The following TFPI variants were observed in gnomAD, a reference collection of about 807,000 sequenced individuals.
The protein encoded by TFPI is tissue factor pathway inhibitor.
A neutral mutation model predicts 34.6 loss-of-function variants in TFPI; 15 were observed. That is an observed-to-expected ratio of 0.43 (90% confidence interval 0.29 to 0.67). The LOEUF is 0.67. TFPI is among the 30% of genes least tolerant of loss of function. The pLI is 0.15. For missense variants in TFPI, 301 were observed against 364.0 expected, an observed-to-expected ratio of 0.83 and a Z score of 1.41; for synonymous variants, 105 against 120.1, an observed-to-expected ratio of 0.87 and a Z score of 0.82.
Position 187,469,910 on chromosome 2 carries a change from G to A in TFPI, c.629-1978C>T, listed in dbSNP as rs538599442. ...GTACTATTGTACACACTTTTCCAAT[G>A]TGTGGGATGTGTATTATCATCATCC... On this transcript the variant is annotated intron_variant, in intron 6 of 7. Coordinates refer to ENST00000233156, the MANE Select transcript of TFPI (RefSeq NM_006287.6). Among the ~76,000 whole-genome samples the A allele has an allele frequency of 2.5e-4, 38 of 152,244 alleles. No homozygotes were observed. In the South Asian group the frequency reaches 7.5e-3, roughly 30 times the overall value.
chr2:187,523,316 T>A (rs1687506026), intron 1 of TFPI, among the ~76,000 whole-genome samples: 1 of 152,134 alleles, frequency 6.6e-6, no homozygotes, highest in Admixed American at 6.5e-5. Flanking sequence ...TTTAATTAAT[T>A]GTTCAATTAA....
At position 187,466,270 on chromosome 2, in the gene TFPI, T is replaced by C. The variant is rs1159393976; in HGVS notation, c.*666A>G. 3 of 151,884 alleles carry C rather than the reference T, an allele frequency of 2.0e-5. No individual in the cohort carries two copies. The highest frequency in any genetic ancestry group is 4.4e-5 in the Non-Finnish European group (3 of 67,960). The allele number at this position is 151,884 out of a possible 1,614,324, so 9.4% of individuals were successfully genotyped here. A position where few individuals can be genotyped will look rare whatever the true frequency, so the allele number is the denominator to read the frequency against. On this transcript the variant is annotated 3_prime_UTR_variant, in exon 8 of 8. Coordinates refer to ENST00000233156, the MANE Select transcript of TFPI (RefSeq NM_006287.6). ...ACAATTATTCAGTCATCTTGACTGATAGAATGGGCTATGGTCAAACAAAAA... is the reference window on the plus strand; with the variant it reads ...ACAATTATTCAGTCATCTTGACTGACAGAATGGGCTATGGTCAAACAAAAA...
intron 6 of TFPI, among the ~76,000 whole-genome samples, chr2:187,472,535 C>T (rs759636499): frequency 6.6e-5 from 10 of 152,142 alleles, no homozygotes; most frequent in Admixed American, 1.3e-4. Context: ...ATGGACCTTA[C>T]TGCTATGAAT....
intron 3 of TFPI, among the ~76,000 whole-genome samples, chr2:187,493,765 A>G (rs1373876362): frequency 6.6e-6 from 1 of 152,162 alleles, no homozygotes; most frequent in South Asian, 2.1e-4. Context: ...TCTCTTTGCT[A>G]AAACATAATG....
intron 6 of TFPI, among the ~76,000 whole-genome samples, chr2:187,475,490 C>A (rs140772766): frequency 6.6e-6 from 1 of 152,012 alleles, no homozygotes; most frequent in African/African-American, 2.4e-5. Flanking sequence ...GAAAATAGGT[C>A]GTCATCATCA....
chr2:187,481,933 C>T (rs1289379711), intron 6 of TFPI, among the ~76,000 whole-genome samples: 2 of 151,904 alleles, frequency 1.3e-5, no homozygotes, highest in African/African-American at 4.8e-5. Context: ...TTTACTTTTA[C>T]AAGCATTTAT....
chr2:187,470,594 T>C (rs1691977275), intron 6 of TFPI, among the ~76,000 whole-genome samples: 1 of 152,174 alleles, frequency 6.6e-6, no homozygotes, highest in Admixed American at 6.6e-5. Context: ...AGACATATGC[T>C]AGCTTCAGTC....
At chr2:187,504,934 A>T (rs1686100966) in intron 1 of TFPI, among the ~76,000 whole-genome samples, 1 of 152,238 alleles carries the variant, frequency 6.6e-6, no homozygotes, top group African/African-American at 2.4e-5. Context: ...CTAGTGAGAT[A>T]CATAACCTTT....
At chr2:187,483,465 A>C (rs1204356554) in intron 6 of TFPI, among the ~76,000 whole-genome samples, 1 of 151,998 alleles carries the variant, frequency 6.6e-6, no homozygotes, top group African/African-American at 2.4e-5. Flanking sequence ...GGTAATTTTT[A>C]GCTGTTTATG....
intron 4 of TFPI, among the ~76,000 whole-genome samples, chr2:187,487,770 C>T (rs1249415582): frequency 6.6e-6 from 1 of 151,384 alleles, no homozygotes; most frequent in Non-Finnish European, 1.5e-5. Flanking sequence ...CATACACATA[C>T]ATGCTAGATA....
chr2:187,494,131 T>G (rs1685303665), intron 3 of TFPI, among the ~76,000 whole-genome samples: 2 of 152,132 alleles, frequency 1.3e-5, no homozygotes, highest in African/African-American at 2.4e-5. Context: ...CATAAGATCA[T>G]GTGAGACCCA....
At chr2:187,511,478 G>A (rs148387296) in intron 1 of TFPI, among the ~76,000 whole-genome samples, 59 of 152,142 alleles carry the variant, frequency 3.9e-4, no homozygotes, top group African/African-American at 1.3e-3. Flanking sequence ...GTTTTGTCTC[G>A]AGGAAGCATG....
In TFPI at chr2:187,465,676, A is replaced by G. The variant is rs920648990; in HGVS notation, c.*1260T>C. The G allele has an allele frequency of 5.9e-5, 9 of 152,162 alleles. No homozygotes were observed. The highest frequency in any genetic ancestry group is 2.2e-4 in the African/African-American group (9 of 41,534). 9.4% of individuals were successfully genotyped at this position (152,162 alleles called of 1,614,324 possible). A position where few individuals can be genotyped will look rare whatever the true frequency, so the allele number is the denominator to read the frequency against. On this transcript the variant is annotated 3_prime_UTR_variant, in exon 8 of 8. Transcript: ENST00000233156. Reference sequence around the variant, plus strand: ...AAAATTTCAATCCTGAAGAACAGGCAGAATTATACTATCATTGTTAGCGAG... The same window carrying G: ...AAAATTTCAATCCTGAAGAACAGGCGGAATTATACTATCATTGTTAGCGAG...
chr2:187,486,392 T>A (rs577296536), intron 4 of TFPI, among the ~76,000 whole-genome samples: 2 of 151,588 alleles, frequency 1.3e-5, no homozygotes, highest in African/African-American at 4.8e-5. Flanking sequence ...AGGAAAAATA[T>A]TGCATATAAA....
chr2:187,486,295 G>C (rs1313514344), intron 4 of TFPI, among the ~76,000 whole-genome samples: 1 of 151,492 alleles, frequency 6.6e-6, no homozygotes, highest in Non-Finnish European at 1.5e-5. Context: ...CATATGATTT[G>C]TTTTAGTCTT....
rs1336344536 is a variant in TFPI at position 187,466,251 on chromosome 2, A to T, written c.*685T>A. The T allele has an allele frequency of 1.3e-5, 2 of 152,122 alleles. No individual in the cohort carries two copies. The highest frequency in any genetic ancestry group is 2.9e-5 in the Non-Finnish European group (2 of 68,020). 9.4% of individuals were successfully genotyped at this position (152,122 alleles called of 1,614,324 possible). ...CATGAGTTGTATTTAACACACAATT[A>T]TTCAGTCATCTTGACTGATAGAATG... is the stretch of plus-strand genomic sequence containing the variant. On this transcript the variant is annotated 3_prime_UTR_variant, in exon 8 of 8. Transcript: ENST00000233156.
intron 6 of TFPI, among the ~76,000 whole-genome samples, chr2:187,481,717 A>T (rs1446651350): frequency 1.3e-5 from 2 of 152,004 alleles, no homozygotes; most frequent in African/African-American, 4.8e-5. Flanking sequence ...AAGGGGTCAA[A>T]TTGGCCGGAG....
At chr2:187,505,650 C>T (rs889304383) in intron 1 of TFPI, among the ~76,000 whole-genome samples, 3 of 152,106 alleles carry the variant, frequency 2.0e-5, no homozygotes, top group Non-Finnish European at 4.4e-5. Flanking sequence ...GACTACTTCT[C>T]TTTATGGTCC....
chr2:187,528,839 A>T (rs1687810604), intron 1 of TFPI, among the ~76,000 whole-genome samples: 1 of 150,506 alleles, frequency 6.6e-6, no homozygotes, highest in African/African-American at 2.5e-5. Context: ...ATGCTGTCAG[A>T]TTTTTTAAGA....
Sources: gnomAD v4.1 joint callset for allele counts (sites outside exome capture counted in the v4.1 genomes callset) on GRCh38, gnomAD v4.1.1 for gene constraint, MANE v1.5 for transcripts, NCBI Gene and HGNC (gene_info 2026-07-23, HGNC 2026-07-21) for gene names.